SLC14A2: variants seen among roughly 807,000 people sequenced by gnomAD.
SLC14A2 encodes the protein urea transporter 2.
A neutral mutation model predicts 104.6 loss-of-function variants in SLC14A2; 91 were observed. That is an observed-to-expected ratio of 0.87 (90% CI 0.73 to 1.04). The LOEUF is 1.04. Among genes scored for constraint, SLC14A2 ranks in the 50% least tolerant of loss-of-function variants. The pLI is 0.00. For synonymous variants in SLC14A2, 476 were observed against 466.4 expected (o/e 1.02, Z -0.27); for missense variants, 1,189 against 1,156.0 (o/e 1.03, Z -0.41).
intron 2 of SLC14A2, among the ~76,000 whole-genome samples, chr18:45,605,735 G>A (rs2044857786): frequency 6.6e-6 from 1 of 152,100 alleles, no homozygotes; most frequent in Non-Finnish European, 1.5e-5. Flanking sequence ...CACTCCCAAT[G>A]CAATGATTTT....
chr18:45,673,867 A>T, intron 18 of SLC14A2, 50 bp downstream of exon 18: 1 of 1,580,496 alleles, frequency 6.3e-7, no homozygotes, highest in Non-Finnish European at 8.7e-7. Flanking sequence ...GGCTTTTTAC[A>T]TAAAACTGTT....
intron 1 of SLC14A2, among the ~76,000 whole-genome samples, chr18:45,336,931 CA>C (rs2085343352): frequency 6.6e-6 from 1 of 151,508 alleles, no homozygotes; most frequent in Non-Finnish European, 1.5e-5. Context: ...ACCTTGGGGT[CA>C]GGCTGTTAAA....
At chr18:45,433,146 C>G (rs1482795194) in intron 1 of SLC14A2, among the ~76,000 whole-genome samples, 1 of 152,140 alleles carries the variant, frequency 6.6e-6, no homozygotes, top group South Asian at 2.1e-4. Flanking sequence ...AGGTTTGAGT[C>G]CTGACCCCAA....
chr18:45,290,579 C>T (rs745347935), intron 1 of SLC14A2, among the ~76,000 whole-genome samples: 16 of 152,114 alleles, frequency 1.1e-4, no homozygotes, highest in Non-Finnish European at 2.1e-4. Flanking sequence ...AGGTACCAGC[C>T]CCATGTGACT....
At position 45,641,484 on chromosome 18, in the gene SLC14A2, T is replaced by C. The variant is rs1261362323; in HGVS notation, c.1126+141T>C. 3.4e-6 allele frequency: 3 copies of C among 878,080 alleles called. No homozygotes were observed. In the East Asian group the frequency reaches 7.5e-5, roughly 22 times the overall value. 54.4% of individuals were successfully genotyped at this position (878,080 alleles called of 1,614,324 possible). On this transcript the variant is annotated intron_variant, in intron 8 of 19. Transcript: ENST00000255226. ...ATGGCTTGCGTCCTAATGCCAGTGCTGCCCTTAACAGCTGGGGATTTCAGG... is the reference window on the plus strand; with the variant it reads ...ATGGCTTGCGTCCTAATGCCAGTGCCGCCCTTAACAGCTGGGGATTTCAGG...
At chr18:45,209,198 A>AAT (rs1555662435), upstream of SLC14A2, among the ~76,000 whole-genome samples, 2 of 150,060 alleles carry the variant, frequency 1.3e-5, no homozygotes, top group South Asian at 2.1e-4. Flanking sequence ...AAAAAAAAAA[A>AAT]ATCAGGTGGT....
chr18:45,618,574 C>G (rs1467714711), intron 1 of SLC14A2, among the ~76,000 whole-genome samples: 1 of 140,810 alleles, frequency 7.1e-6, no homozygotes, highest in Non-Finnish European at 1.5e-5. Flanking sequence ...GAGGCTGAGA[C>G]AGGAGAATTG....
At chr18:45,207,237 A>G in the SLC14A2 span, among the ~76,000 whole-genome samples, 213 of 151,936 alleles carry the variant, frequency 1.4e-3, 1 homozygote, top group South Asian at 8.1e-3. Context: ...TTGAATGTTT[A>G]TAGATTCTTG....
At chr18:45,556,175 C>T (rs1294123540) in intron 2 of SLC14A2, among the ~76,000 whole-genome samples, 1 of 152,186 alleles carries the variant, frequency 6.6e-6, no homozygotes, top group African/African-American at 2.4e-5. Context: ...TAAGGACAGT[C>T]ATTGCATTCA....
intron 1 of SLC14A2, among the ~76,000 whole-genome samples, chr18:45,394,323 G>C (rs971020282): frequency 6.6e-6 from 1 of 151,944 alleles, no homozygotes; most frequent in Non-Finnish European, 1.5e-5. Flanking sequence ...AATCTGTTAG[G>C]GTGCAGGAAA....
intron 2 of SLC14A2, among the ~76,000 whole-genome samples, chr18:45,507,958 C>A (rs1460900579): frequency 6.6e-6 from 1 of 152,178 alleles, no homozygotes; most frequent in African/African-American, 2.4e-5. Context: ...GGGCAAATAT[C>A]CCTGAACAAA....
chr18:45,663,324 T>C (rs1194545195), intron 10 of SLC14A2, among the ~76,000 whole-genome samples: 1 of 152,216 alleles, frequency 6.6e-6, no homozygotes, highest in Non-Finnish European at 1.5e-5. Flanking sequence ...ATCTTTTAAA[T>C]ACCATGGGCA....
At chr18:45,591,202 AT>A (rs1363472901) in intron 2 of SLC14A2, among the ~76,000 whole-genome samples, 1 of 152,162 alleles carries the variant, frequency 6.6e-6, no homozygotes, top group Non-Finnish European at 1.5e-5. Context: ...GAGGGTGGTA[AT>A]AGCTTGTTAC....
intron 2 of SLC14A2, among the ~76,000 whole-genome samples, chr18:45,572,062 A>T (rs184951680): frequency 5.2e-4 from 79 of 152,312 alleles, no homozygotes; most frequent in African/African-American, 1.9e-3. Flanking sequence ...CTCCCCAGTG[A>T]TTCTAATATA....
intron 2 of SLC14A2, among the ~76,000 whole-genome samples, chr18:45,556,839 T>C (rs1022157802): frequency 6.6e-6 from 1 of 152,206 alleles, no homozygotes; most frequent in Non-Finnish European, 1.5e-5. Context: ...TAGGGGTACA[T>C]GGTTTTGACT....
intron 1 of SLC14A2, among the ~76,000 whole-genome samples, chr18:45,457,909 A>T (rs2086972694): frequency 6.6e-6 from 1 of 152,190 alleles, no homozygotes; most frequent in African/African-American, 2.4e-5. Flanking sequence ...CTGGAGTCAG[A>T]TGCTGTCCTA....
chr18:45,331,574 C>T (rs2085290786), intron 1 of SLC14A2, among the ~76,000 whole-genome samples: 1 of 151,896 alleles, frequency 6.6e-6, no homozygotes, highest in Non-Finnish European at 1.5e-5. Context: ...ACCTGTAGTC[C>T]CAGCTACTCG....
At chr18:45,188,039 C>A in the SLC14A2 span, among the ~76,000 whole-genome samples, 37 of 151,926 alleles carry the variant, frequency 2.4e-4, no homozygotes, top group African/African-American at 8.0e-4. Flanking sequence ...TAATATATCC[C>A]GGGTCATCAA....
chr18:45,583,848 G>A (rs537002253), intron 2 of SLC14A2, among the ~76,000 whole-genome samples: 1 of 152,280 alleles, frequency 6.6e-6, no homozygotes, highest in South Asian at 2.1e-4. Flanking sequence ...TGAGAGGAAA[G>A]ACACACAAGT....
Sources: allele counts gnomAD v4.1 joint callset (sites outside exome capture counted in the v4.1 genomes callset), GRCh38; gene constraint gnomAD v4.1.1; transcripts MANE v1.5; gene names NCBI Gene and HGNC (gene_info 2026-07-23, HGNC 2026-07-21).